MED23: variants seen among roughly 807,000 people sequenced by gnomAD.
The protein encoded by MED23 is mediator complex subunit 23, also known as mediator of RNA polymerase II transcription subunit 23.
Under a neutral mutation model 163.9 loss-of-function variants are expected in MED23, and 105 were observed. The ratio of observed to expected loss-of-function variants is 0.64; its 90% CI spans 0.55 to 0.75. MED23 has a LOEUF of 0.75. Ranked by LOEUF, MED23 falls within the 30% of genes least tolerant of loss-of-function variation. The pLI is 0.00. For synonymous variants in MED23, 561 were observed against 565.6 expected (o/e 0.99, Z 0.12); for missense variants, 1,054 against 1,649.0 (o/e 0.64, Z 6.25).
At position 131,586,913 on chromosome 6, in the gene MED23, T is replaced by C; in HGVS notation, c.*766A>G. 3 of 1,456,666 alleles carry C rather than the reference T, an allele frequency of 2.1e-6. No homozygotes were observed. Among genetic ancestry groups the C allele is most frequent in the Non-Finnish European group, 2.8e-6 (3 of 1,076,858 alleles). 90.2% of individuals were successfully genotyped at this position (1,456,666 alleles called of 1,614,324 possible). A position where few individuals can be genotyped will look rare whatever the true frequency, so the allele number is the denominator to read the frequency against. On this transcript the variant is annotated 3_prime_UTR_variant, in exon 29 of 29. Transcript: ENST00000368068. ...AGATTATAAAAATTGAAGAATTACA[T>C]CATCTGTCAGGTGAGAGTGTCAACC...
At chr6:131,605,533 T>C (rs370410504) in intron 13 of MED23, 48 bp from the exon 14 acceptor site, 15 of 1,470,754 alleles carry the variant, frequency 1.0e-5, no homozygotes, top group African/African-American at 2.9e-5. Flanking sequence ...ATAACTTCCA[T>C]AATGTTAATT....
chr6:131,627,397 T>G lies in MED23; in HGVS notation c.158A>C (p.Gln53Pro), dbSNP rs769249158. ...AFRQFWGGLS[Q>P]ESHEQCIQWI... is the part of the protein sequence containing the mutation. ...ATGTATTAAAAATGAAGCGCTCACC[T>G]GAGAAAGACCACCCCAAAACTGTCT... Residue 53 changes from glutamine to proline, a missense_variant and splice_region_variant, in exon 3 of 29, where the codon CAG becomes CCG. Transcript: ENST00000368068. The G allele has an allele frequency of 3.1e-6, 5 of 1,611,808 alleles. No homozygotes were observed. In the East Asian group the frequency reaches 1.1e-4, roughly 36 times the overall value.
At chr6:131,584,937 T>C (rs1774125287), downstream of MED23, among the ~76,000 whole-genome samples, 1 of 148,740 alleles carries the variant, frequency 6.7e-6, no homozygotes, top group South Asian at 2.1e-4. Context: ...AGACGGAAGT[T>C]GCAGTGAGCT....
chr6:131,607,892 T>C (rs1775976748), intron 12 of MED23, 36 bp downstream of exon 12: 1 of 1,608,076 alleles, frequency 6.2e-7, no homozygotes, highest in Non-Finnish European at 8.5e-7. Context: ...AATTTACTCA[T>C]CATGTTGTTA....
chr6:131,626,024 A>G (rs1777466733), intron 3 of MED23, among the ~76,000 whole-genome samples: 2 of 150,010 alleles, frequency 1.3e-5, no homozygotes, highest in Admixed American at 6.7e-5. Flanking sequence ...CGGGAGGCTG[A>G]GGCAGGAGAA....
At chr6:131,576,800 CCT>C (rs1180597031) in intron 30 of MED23, 3 of 1,384,296 alleles carry the variant, frequency 2.2e-6, no homozygotes, top group Admixed American at 1.7e-5. Context: ...AGAGCAGGCC[CCT>C]GTGAACCTGG....
At position 131,603,025 on chromosome 6, in the gene MED23, C is replaced by T. The variant is rs778867971; in HGVS notation, c.1931+5G>A. 1.9e-6 allele frequency: 3 copies of T among 1,613,406 alleles called. No individual in the cohort carries two copies. In the African/African-American group the frequency reaches 4.0e-5, roughly 22 times the overall value. On this transcript the variant is annotated splice_donor_5th_base_variant and intron_variant, in intron 16 of 28. Coordinates refer to ENST00000368068, the MANE Select transcript of MED23 (RefSeq NM_004830.4). ...TTAAGGAAAGATGGTCTTCAATGAGCTCACCAAAGATGGAGCTGGTTCTGG... is the reference window on the plus strand; with the variant it reads ...TTAAGGAAAGATGGTCTTCAATGAGTTCACCAAAGATGGAGCTGGTTCTGG...
At chr6:131,578,939 C>T (rs915361516) in intron 30 of MED23, 22 of 668,830 alleles carry the variant, frequency 3.3e-5, no homozygotes, top group East Asian at 3.2e-4. Context: ...GGTAACATGA[C>T]GTCAAGCAAA....
intron 9 of MED23, among the ~76,000 whole-genome samples, chr6:131,616,926 G>C (rs1776734379): frequency 6.6e-6 from 1 of 152,034 alleles, no homozygotes; most frequent in African/African-American, 2.4e-5. Context: ...TCAATGTCTT[G>C]AATATAGACC....
At chr6:131,592,836 G>A in intron 24 of MED23, 170 bp downstream of exon 24, 1 of 781,084 alleles carries the variant, frequency 1.3e-6, no homozygotes, top group Non-Finnish European at 2.1e-6. Flanking sequence ...CCTGTCCAGG[G>A]CTCATTCCAT....
intron 11 of MED23, among the ~76,000 whole-genome samples, chr6:131,609,220 T>A (rs1396778305): frequency 2.0e-5 from 3 of 152,180 alleles, no homozygotes; most frequent in Non-Finnish European, 4.4e-5. Context: ...GCCATTCTCC[T>A]CTGCATTGCC....
At position 131,586,941 on chromosome 6, in the gene MED23, CA is replaced by C. The variant is rs1425938110; in HGVS notation, c.*737del. Reference sequence around the variant, plus strand: ...TCTGTCAGGTGAGAGTGTCAACCTGCAAAAGCAATTAACTTATTTTTAAAAA... The same window carrying C: ...TCTGTCAGGTGAGAGTGTCAACCTGCAAAGCAATTAACTTATTTTTAAAAA... On this transcript the variant is annotated 3_prime_UTR_variant, in exon 29 of 29. Transcript: ENST00000368068. 1.3e-5 allele frequency: 19 copies of C among 1,484,274 alleles called. No individual in the cohort carries two copies. The East Asian group carries it at 4.8e-4, about 37-fold the overall frequency. 91.9% of individuals were successfully genotyped at this position (1,484,274 alleles called of 1,614,324 possible).
chr6:131,580,088 T>A (rs886515945), intron 30 of MED23, among the ~76,000 whole-genome samples: 16 of 152,212 alleles, frequency 1.1e-4, no homozygotes, highest in African/African-American at 3.9e-4. Context: ...TTTTTGTGCA[T>A]GAGCCTCTTT....
chr6:131,623,276 C>T, intron 5 of MED23, 75 bp downstream of exon 5: 2 of 1,156,294 alleles, frequency 1.7e-6, no homozygotes, highest in Non-Finnish European at 2.6e-6. Flanking sequence ...TTTCTCTCAC[C>T]TGAAAATAAG....
chr6:131,614,575 T>C lies in MED23; in HGVS notation c.876+1332A>G, dbSNP rs1168874342. Among the ~76,000 whole-genome samples the C allele has an allele frequency of 3.9e-5, 6 of 152,182 alleles. No homozygotes were observed. The East Asian group carries it at 1.2e-3, about 29-fold the overall frequency. On this transcript the variant is annotated intron_variant, in intron 10 of 28. Transcript: ENST00000368068. ...CTGTTAAGAGTTTGATTTATAAAGT[T>C]TGGCCATAGTGTTTTTCTCCCACCA...
chr6:131,598,227 C>T lies in MED23; in HGVS notation c.2607+60G>A, dbSNP rs576319625. 2.7e-6 allele frequency: 4 copies of T among 1,477,892 alleles called. No homozygotes were observed. The Admixed American group carries it at 6.7e-5, about 25-fold the overall frequency. 91.5% of individuals were successfully genotyped at this position (1,477,892 alleles called of 1,614,324 possible). A position where few individuals can be genotyped will look rare whatever the true frequency, so the allele number is the denominator to read the frequency against. ...AGCAATATAGAGCAGATTGGCATAA[C>T]ATATATTAGTCATACATCTTGATCT... On this transcript the variant is annotated intron_variant, in intron 20 of 28. Coordinates refer to ENST00000368068, the MANE Select transcript of MED23 (RefSeq NM_004830.4). The surrounding 1 kb of genome is among the most constrained non-coding windows in gnomAD (Gnocchi z 4.7).
intron 30 of MED23, among the ~76,000 whole-genome samples, chr6:131,577,980 TAAGAC>T (rs1307200196): frequency 2.0e-5 from 3 of 151,036 alleles, no homozygotes; most frequent in Admixed American, 1.3e-4. Context: ...AGCAGCATGA[TAAGAC>T]AAGAAAGACT....
At chr6:131,592,085 G>A (rs534992928) in intron 25 of MED23, 108 of 399,078 alleles carry the variant, frequency 2.7e-4, no homozygotes, top group Middle Eastern at 7.1e-4. Context: ...AACACGTTAA[G>A]TGGCCAAGAG....
chr6:131,596,709 A>G, intron 20 of MED23, 21 bp from the exon 21 acceptor site: 1 of 1,611,986 alleles, frequency 6.2e-7, no homozygotes, highest in Non-Finnish European at 8.5e-7. Flanking sequence ...CAACAGAAAA[A>G]TTATATGAAA....
Sources: allele counts gnomAD v4.1 joint callset (sites outside exome capture counted in the v4.1 genomes callset), GRCh38; gene constraint gnomAD v4.1.1; non-coding constraint Gnocchi (gnomAD v3.1); transcripts MANE v1.5; gene names NCBI Gene and HGNC (gene_info 2026-07-23, HGNC 2026-07-21).